ZNF493: variants seen among roughly 807,000 people sequenced by gnomAD.
The protein encoded by ZNF493 is zinc finger protein 493.
Under a neutral mutation model 12.2 loss-of-function variants are expected in ZNF493, and 11 were observed. The ratio of observed to expected loss-of-function variants is 0.90; its 90% CI spans 0.57 to 1.50. The LOEUF (loss-of-function observed/expected upper bound fraction) is 1.50, where lower values mean the gene tolerates loss of function less well. Among genes scored for constraint, ZNF493 ranks in the 40% most tolerant of loss-of-function variants. The pLI, the probability that ZNF493 is intolerant of heterozygous loss-of-function variation, is 0.00. For missense variants in ZNF493, 950 were observed against 906.6 expected (o/e 1.05, Z -0.61); for synonymous variants, 286 against 302.6 (o/e 0.95, Z 0.57).
chr19:21,419,322 CAG>C (rs755069566), intron 3 of ZNF493, among the ~76,000 whole-genome samples: 12 of 152,056 alleles, frequency 7.9e-5, no homozygotes, highest in Non-Finnish European at 1.6e-4. Context: ...AGATCTACCA[CAG>C]GGGCCTTGTA....
At chr19:21,407,900 T>C (rs1366168608) in intron 3 of ZNF493, 4 of 985,236 alleles carry the variant, frequency 4.1e-6, no homozygotes, top group Non-Finnish European at 4.8e-6. Context: ...ACTATTGGTG[T>C]CTGTGAATTT....
At chr19:21,397,696 A>G (rs2145256360) in intron 1 of ZNF493, 1 of 392,510 alleles carries the variant, frequency 2.5e-6, no homozygotes, top group South Asian at 5.3e-5. Context: ...ATATTAAAGA[A>G]TGTAATCAAA....
intron 3 of ZNF493, chr19:21,412,093 G>C (rs1353991288): frequency 6.6e-6 from 1 of 152,158 alleles, no homozygotes; most frequent in African/African-American, 2.4e-5. Flanking sequence ...CACACACACA[G>C]AAATATAGAG....
In ZNF493 at chr19:21,421,878, A is replaced by T. The variant is rs540907761; in HGVS notation, c.254-1035A>T. On this transcript the variant is annotated intron_variant, in intron 3 of 3. Transcript: ENST00000392288. ...TCTTTTTTTTTGGAGATGGAGTCTC[A>T]GTCTGTCATGAGGCAGGAGTGCAGT... 1.1e-3 allele frequency among the ~76,000 whole-genome samples: 174 copies of T among 152,120 alleles called. No homozygotes were observed. The South Asian group carries it at 0.013, about 11-fold the overall frequency.
At chr19:21,419,309 A>G (rs1404072001) in intron 3 of ZNF493, among the ~76,000 whole-genome samples, 1 of 150,552 alleles carries the variant, frequency 6.6e-6, no homozygotes, top group Non-Finnish European at 1.5e-5. Flanking sequence ...TTTTTGTCAG[A>G]CGAGATCTAC....
intron 3 of ZNF493, among the ~76,000 whole-genome samples, chr19:21,409,499 T>A (rs1201475639): frequency 6.6e-6 from 1 of 152,148 alleles, no homozygotes; most frequent in Non-Finnish European, 1.5e-5. Context: ...ATTTCAGAAA[T>A]TTGGGAGTCC....
intron 3 of ZNF493, 48 bp downstream of exon 3, chr19:21,405,904 AT>A (rs749571050): frequency 4.2e-5 from 14 of 333,956 alleles, no homozygotes; most frequent in Admixed American, 1.5e-4. Flanking sequence ...AGGTTGAAAG[AT>A]TTAAAAAAAA....
chr19:21,407,301 T>G (rs2030163815), intron 3 of ZNF493, among the ~76,000 whole-genome samples: 1 of 152,018 alleles, frequency 6.6e-6, no homozygotes, highest in Non-Finnish European at 1.5e-5. Flanking sequence ...TTATTATTTT[T>G]TTTTTGAGAT....
intron 3 of ZNF493, among the ~76,000 whole-genome samples, chr19:21,406,483 A>G (rs755999115): frequency 1.4e-4 from 21 of 152,108 alleles, no homozygotes; most frequent in Non-Finnish European, 2.6e-4. Flanking sequence ...CATGGCATAT[A>G]AGAGACTGCA....
At chr19:21,411,588 C>T (rs1486815245) in intron 3 of ZNF493, among the ~76,000 whole-genome samples, 5 of 151,878 alleles carry the variant, frequency 3.3e-5, no homozygotes, top group African/African-American at 7.2e-5. Context: ...GGTGTGGTGG[C>T]GTGCGCCTGT....
At position 21,397,451 on chromosome 19, in the gene ZNF493, G is replaced by C. The variant is rs531203472; in HGVS notation, c.30+184G>C. On this transcript the variant is annotated intron_variant, in intron 1 of 3. Transcript: ENST00000392288. Reference sequence around the variant, plus strand: ...AGTTGGCGGCTGCGCCAACAGCCGGGGCCCCGGGCGTCCTGTCTCTTCCCT... The same window carrying C: ...AGTTGGCGGCTGCGCCAACAGCCGGCGCCCCGGGCGTCCTGTCTCTTCCCT... The C allele has an allele frequency of 5.5e-5, 40 of 726,514 alleles. No individual in the cohort carries two copies. In the African/African-American group the frequency reaches 6.4e-4, roughly 12 times the overall value. 45.0% of individuals were successfully genotyped at this position (726,514 alleles called of 1,614,324 possible).
At chr19:21,401,893 G>A (rs905001855) in intron 1 of ZNF493, among the ~76,000 whole-genome samples, 1 of 152,070 alleles carries the variant, frequency 6.6e-6, no homozygotes, top group Non-Finnish European at 1.5e-5. Flanking sequence ...GCCTCCCAAA[G>A]TGCTAGGATT....
At chr19:21,399,605 T>C (rs1349434118) in intron 1 of ZNF493, among the ~76,000 whole-genome samples, 1 of 152,218 alleles carries the variant, frequency 6.6e-6, no homozygotes, top group Non-Finnish European at 1.5e-5. Flanking sequence ...ACAAAGGGCA[T>C]AAAAGATTTG....
chr19:21,417,688 C>G (rs1477481952), intron 3 of ZNF493, among the ~76,000 whole-genome samples: 2 of 152,134 alleles, frequency 1.3e-5, no homozygotes, highest in African/African-American at 4.8e-5. Flanking sequence ...TGCATCTAAA[C>G]CAGCCCAGCC....
At chr19:21,420,752 CTT>C (rs372678195) in intron 3 of ZNF493, among the ~76,000 whole-genome samples, 138 of 104,992 alleles carry the variant, frequency 1.3e-3, no homozygotes, top group South Asian at 3.2e-3. Flanking sequence ...GCAAATAACA[CTT>C]TTTTTTTTTT....
chr19:21,410,186 T>G (rs1387383621), intron 3 of ZNF493, among the ~76,000 whole-genome samples: 2 of 151,662 alleles, frequency 1.3e-5, no homozygotes, highest in East Asian at 3.9e-4. Flanking sequence ...ATGGATGTTC[T>G]AATAGGTCTT....
At chr19:21,420,623 A>ATAGTTT (rs1568382528) in intron 3 of ZNF493, among the ~76,000 whole-genome samples, 1 of 16,124 alleles carries the variant, frequency 6.2e-5, no homozygotes, top group African/African-American at 2.2e-4. Flanking sequence ...ATATATATAT[A>ATAGTTT]TTTTTTTTTT....
chr19:21,410,859 G>C (rs2914626), intron 3 of ZNF493, among the ~76,000 whole-genome samples: 143,294 of 152,198 alleles, frequency 0.94, 67,689 homozygotes, highest in Middle Eastern at 1. Context: ...ATGGGATGAT[G>C]TTGGGTCACG....
rs775680776 is a variant in ZNF493, at chr19:21,424,291, C to T, written c.1632C>T (p.Pro544=). The T allele has an allele frequency of 1.4e-5, 22 of 1,613,558 alleles. No individual in the cohort carries two copies. In the South Asian group the frequency reaches 2.3e-4, roughly 17 times the overall value. Residue 544 remains proline (P), a synonymous_variant, in exon 4 of 4, where the codon CCC becomes CCT. Coordinates refer to ENST00000392288, the MANE Select transcript of ZNF493 (RefSeq NM_001076678.3). ...AAATGATTCACACTGGAGAAAAACC[C>T]TACAAATGTGAAGAATGTGGCAAAG... The part of the protein sequence containing the change: ...IHKMIHTGEK[P]YKCEECGKAF...
Sources: allele counts gnomAD v4.1 joint callset (sites outside exome capture counted in the v4.1 genomes callset), GRCh38; gene constraint gnomAD v4.1.1; transcripts MANE v1.5; gene names NCBI Gene and HGNC (gene_info 2026-07-23, HGNC 2026-07-21).